The following DDAH1 variants were observed in gnomAD, a reference collection of about 807,000 sequenced individuals.
DDAH1 encodes the protein dimethylarginine dimethylaminohydrolase 1.
DDAH1 carries 19 observed loss-of-function variants against 28.8 expected under a neutral mutation model. The ratio of observed to expected loss-of-function variants is 0.66; its 90% CI spans 0.46 to 0.97. The LOEUF is 0.97. Among genes scored for constraint, DDAH1 ranks in the 50% least tolerant of loss-of-function variants. DDAH1 has a pLI of 0.00. For synonymous variants in DDAH1, 153 were observed against 154.4 expected (o/e 0.99, Z 0.07); for missense variants, 326 against 375.9 (o/e 0.87, Z 1.10).
intron 5 of DDAH1, 36 bp from the exon 6 acceptor site, chr1:85,321,604 GATT>G (rs1266562596): frequency 1.4e-5 from 21 of 1,482,048 alleles, no homozygotes; most frequent in Non-Finnish European, 2.0e-5. Flanking sequence ...AGAAAAGAAG[GATT>G]ATGTTTTACC....
intron 1 of DDAH1, among the ~76,000 whole-genome samples, chr1:85,546,460 G>T (rs6656229): frequency 0.62 from 93,525 of 151,984 alleles, 29,230 homozygotes; most frequent in South Asian, 0.78. Flanking sequence ...GCTTGTGGTG[G>T]TGTTACAGCA....
chr1:85,526,594 G>A (rs559517056), intron 1 of DDAH1, among the ~76,000 whole-genome samples: 1 of 151,286 alleles, frequency 6.6e-6, no homozygotes, highest in African/African-American at 2.4e-5. Context: ...AAAGATGCTG[G>A]GTTTGGCTGT....
intron 1 of DDAH1, among the ~76,000 whole-genome samples, chr1:85,504,977 T>G (rs1352807226): frequency 1.1e-4 from 4 of 34,892 alleles, no homozygotes; most frequent in African/African-American, 4.6e-4. Context: ...TTTTTTTTTT[T>G]TTTTTTTTTT....
chr1:85,367,002 T>C (rs1459121464), intron 1 of DDAH1, among the ~76,000 whole-genome samples: 2 of 152,154 alleles, frequency 1.3e-5, no homozygotes, highest in South Asian at 2.1e-4. Flanking sequence ...CTTTGTGTGT[T>C]TTCTTATTTA....
At chr1:85,364,534 A>G (rs1394102978) in intron 1 of DDAH1, among the ~76,000 whole-genome samples, 1 of 149,944 alleles carries the variant, frequency 6.7e-6, no homozygotes, top group Admixed American at 6.7e-5. Context: ...AAATTTGTCC[A>G]TATGTGCTGA....
chr1:85,462,820 C>T, intron 1 of DDAH1, among the ~76,000 whole-genome samples: 1 of 152,190 alleles, frequency 6.6e-6, no homozygotes, highest in East Asian at 1.9e-4. Flanking sequence ...CAGCAGGAGA[C>T]CCAAACCCAG....
At chr1:85,414,822 T>C (rs1652816079) in intron 1 of DDAH1, among the ~76,000 whole-genome samples, 1 of 151,904 alleles carries the variant, frequency 6.6e-6, no homozygotes. Flanking sequence ...CAACATTTGA[T>C]GAATGAACAA....
Position 85,334,108 on chromosome 1 carries a change from G to A in DDAH1, c.598-9225C>T, listed in dbSNP as rs367938708. 3.9e-5 allele frequency among the ~76,000 whole-genome samples: 6 copies of A among 152,154 alleles called. No homozygotes were observed. The South Asian group carries it at 1.2e-3, about 32-fold the overall frequency. ...GTAATTGGATCACGGGGACGGTTCC[G>A]CACATGCTGTTCTCATGATAGTGAG... On this transcript the variant is annotated intron_variant, in intron 4 of 5. Coordinates refer to ENST00000284031, the MANE Select transcript of DDAH1 (RefSeq NM_012137.4).
At chr1:85,563,855 C>T (rs1659208212) in intron 1 of DDAH1, among the ~76,000 whole-genome samples, 1 of 152,150 alleles carries the variant, frequency 6.6e-6, no homozygotes, top group African/African-American at 2.4e-5. Context: ...TTAAAAGACC[C>T]AAGTCAAGCT....
At chr1:85,486,970 A>C (rs1331541837) in intron 2 of DDAH1, among the ~76,000 whole-genome samples, 10 of 152,218 alleles carry the variant, frequency 6.6e-5, no homozygotes, top group Admixed American at 6.5e-4. Flanking sequence ...TCTTTGATAG[A>C]TATTAAACAG....
chr1:85,546,598 T>C (rs1476806253), intron 1 of DDAH1, among the ~76,000 whole-genome samples: 1 of 152,144 alleles, frequency 6.6e-6, no homozygotes, highest in African/African-American at 2.4e-5. Flanking sequence ...AGAAGAGCTC[T>C]AAATCCTTAC....
At chr1:85,555,921 T>C (rs1208516065) in intron 1 of DDAH1, among the ~76,000 whole-genome samples, 1 of 152,202 alleles carries the variant, frequency 6.6e-6, no homozygotes, top group Non-Finnish European at 1.5e-5. Context: ...AAATACACTT[T>C]CTATCAAAAT....
intron 1 of DDAH1, among the ~76,000 whole-genome samples, chr1:85,563,742 TTAG>T (rs1193024541): frequency 6.6e-6 from 1 of 152,140 alleles, no homozygotes; most frequent in African/African-American, 2.4e-5. Flanking sequence ...CATGATAGAA[TTAG>T]TAGATAAAGA....
chr1:85,372,762 A>G (rs1650451627), intron 1 of DDAH1, among the ~76,000 whole-genome samples: 1 of 152,132 alleles, frequency 6.6e-6, no homozygotes, highest in Admixed American at 6.6e-5. Flanking sequence ...TTCTCTTCCT[A>G]TGAGGCAGAG....
intron 1 of DDAH1, among the ~76,000 whole-genome samples, chr1:85,519,977 T>TG (rs77162745): frequency 9.4e-5 from 13 of 139,030 alleles, no homozygotes; most frequent in Admixed American, 3.9e-4. Flanking sequence ...TTCCCCTTTA[T>TG]TTATTTATTT....
intron 4 of DDAH1, among the ~76,000 whole-genome samples, chr1:85,339,056 A>AT (rs1413434385): frequency 2.0e-5 from 3 of 149,858 alleles, no homozygotes; most frequent in East Asian, 4.0e-4. Context: ...CAAAAAAAAA[A>AT]AAAAAAATAT....
chr1:85,561,881 T>C (rs540539814), intron 1 of DDAH1, among the ~76,000 whole-genome samples: 47 of 152,146 alleles, frequency 3.1e-4, no homozygotes, highest in Non-Finnish European at 5.9e-4. Flanking sequence ...TGATACTAGC[T>C]CACGGAACTA....
intron 1 of DDAH1, among the ~76,000 whole-genome samples, chr1:85,426,629 C>T (rs1338310513): frequency 2.0e-5 from 3 of 151,884 alleles, no homozygotes; most frequent in African/African-American, 7.3e-5. Flanking sequence ...AAAAACAAGC[C>T]CAGTGTGGAG....
At chr1:85,527,659 T>G (rs559701790) in intron 1 of DDAH1, among the ~76,000 whole-genome samples, 2 of 152,336 alleles carry the variant, frequency 1.3e-5, no homozygotes, top group South Asian at 4.2e-4. Context: ...GTAGGTACTA[T>G]ATAAGTAGGT....
Sources: gnomAD v4.1 joint callset for allele counts (sites outside exome capture counted in the v4.1 genomes callset) on GRCh38, gnomAD v4.1.1 for gene constraint, MANE v1.5 for transcripts, NCBI Gene and HGNC (gene_info 2026-07-23, HGNC 2026-07-21) for gene names.